Variants in KIF16B observed in about 807,000 individuals in gnomAD.
KIF16B encodes kinesin-like protein KIF16B.
Under a neutral mutation model 156.3 loss-of-function variants are expected in KIF16B, and 98 were observed. The ratio of observed to expected loss-of-function variants is 0.63; its 90% CI spans 0.53 to 0.74. The LOEUF (loss-of-function observed/expected upper bound fraction) is 0.74, where lower values mean the gene tolerates loss of function less well. Ranked by LOEUF, KIF16B falls within the 30% of genes least tolerant of loss-of-function variation. The pLI is 0.00. For missense variants in KIF16B, 1,421 were observed against 1,606.5 expected (o/e 0.88, Z 1.97); for synonymous variants, 564 against 583.7 (o/e 0.97, Z 0.49).
chr20:16,488,056 C>T (rs181658553), intron 12 of KIF16B, among the ~76,000 whole-genome samples: 232 of 152,328 alleles, frequency 1.5e-3, no homozygotes, highest in Admixed American at 3.7e-3. Context: ...CTCTCCCACC[C>T]GCTGCCACAC....
chr20:16,378,236 T>C (rs1056280752), intron 19 of KIF16B, among the ~76,000 whole-genome samples: 2 of 148,430 alleles, frequency 1.3e-5, no homozygotes, highest in African/African-American at 2.5e-5. Flanking sequence ...GAAGTAGAGA[T>C]GGAAAGAGGT....
At chr20:16,331,203 A>C (rs2063942276) in intron 24 of KIF16B, among the ~76,000 whole-genome samples, 1 of 152,224 alleles carries the variant, frequency 6.6e-6, no homozygotes, top group South Asian at 2.1e-4. Flanking sequence ...TTCCATGTAT[A>C]TATTGTTGAA....
chr20:16,476,110 C>T (rs557476287), intron 12 of KIF16B, among the ~76,000 whole-genome samples: 3 of 120,420 alleles, frequency 2.5e-5, no homozygotes, highest in Admixed American at 1.6e-4. Flanking sequence ...AAGGGCCCTG[C>T]AACAAATACA....
intron 12 of KIF16B, among the ~76,000 whole-genome samples, chr20:16,451,362 A>G (rs1468864109): frequency 2.6e-5 from 4 of 152,156 alleles, no homozygotes; most frequent in Admixed American, 1.3e-4. Context: ...AGCCACTTGG[A>G]AAGTTTACGA....
chr20:16,291,103 G>A (rs77185639), intron 25 of KIF16B, among the ~76,000 whole-genome samples: 2,248 of 152,316 alleles, frequency 0.015, 66 homozygotes, highest in African/African-American at 0.051. Context: ...ATGATGCAAT[G>A]AATAGCTATA....
At chr20:16,426,608 C>T (rs1271914293) in intron 15 of KIF16B, among the ~76,000 whole-genome samples, 1 of 152,134 alleles carries the variant, frequency 6.6e-6, no homozygotes, top group Non-Finnish European at 1.5e-5. Flanking sequence ...TCAAGGACGG[C>T]AGGGCACTAT....
intron 10 of KIF16B, among the ~76,000 whole-genome samples, chr20:16,503,210 C>CT (rs1247797416): frequency 6.6e-6 from 1 of 151,884 alleles, no homozygotes; most frequent in Non-Finnish European, 1.5e-5. Flanking sequence ...GACTCTATCT[C>CT]AAAAAGAAAA....
intron 17 of KIF16B, among the ~76,000 whole-genome samples, chr20:16,398,075 C>A (rs141661175): frequency 1.6e-3 from 238 of 152,304 alleles, no homozygotes; most frequent in African/African-American, 5.4e-3. Flanking sequence ...CAGGAATGCA[C>A]AAAATGCCTG....
intron 17 of KIF16B, among the ~76,000 whole-genome samples, chr20:16,404,422 TAAGAATCAG>T (rs2065730267): frequency 1.3e-5 from 2 of 152,174 alleles, no homozygotes; most frequent in African/African-American, 4.8e-5. Context: ...TTGGATGGCC[TAAGAATCAG>T]GCTGCCTCTG....
intron 25 of KIF16B, among the ~76,000 whole-genome samples, chr20:16,295,877 C>G (rs988618310): frequency 6.6e-6 from 1 of 152,162 alleles, no homozygotes; most frequent in Non-Finnish European, 1.5e-5. Flanking sequence ...AAAATGGTCA[C>G]GAATTTCAAA....
intron 10 of KIF16B, among the ~76,000 whole-genome samples, chr20:16,501,563 G>A (rs1029694559): frequency 6.6e-6 from 1 of 152,024 alleles, no homozygotes; most frequent in Non-Finnish European, 1.5e-5. Flanking sequence ...AGTCTACAAA[G>A]CAGTAACAGC....
At chr20:16,447,443 G>C (rs540222672) in intron 12 of KIF16B, among the ~76,000 whole-genome samples, 11 of 152,124 alleles carry the variant, frequency 7.2e-5, no homozygotes, top group African/African-American at 2.6e-4. Flanking sequence ...GAAAAGAAAA[G>C]GTGTGACAGA....
intron 24 of KIF16B, among the ~76,000 whole-genome samples, chr20:16,316,567 C>G (rs1260600688): frequency 6.6e-6 from 1 of 152,042 alleles, no homozygotes; most frequent in African/African-American, 2.4e-5. Context: ...AAAATGAGGG[C>G]CCTGATGCTG....
chr20:16,515,824 C>T (rs1265659375), intron 3 of KIF16B, among the ~76,000 whole-genome samples, 160 bp from the exon 4 acceptor site: 1 of 152,142 alleles, frequency 6.6e-6, no homozygotes, highest in East Asian at 1.9e-4. Context: ...TATGTAGACA[C>T]CACAGTTTTT....
At position 16,337,044 on chromosome 20, in the gene KIF16B, G is replaced by A. The variant is rs6043900; in HGVS notation, c.3622-1029C>T. On this transcript the variant is annotated intron_variant, in intron 23 of 25. Coordinates refer to ENST00000354981, the MANE Select transcript of KIF16B (RefSeq NM_024704.5). The stretch of plus-strand genomic sequence containing the variant: ...TGATTTGGGAGGTGACCCTCCTTAA[G>A]GCGAGCTTCATGCTGCTCATAGAAA... 3.3e-5 allele frequency among the ~76,000 whole-genome samples: 5 copies of A among 152,242 alleles called. No individual in the cohort carries two copies. In the East Asian group the frequency reaches 9.7e-4, roughly 29 times the overall value.
chr20:16,320,673 A>G (rs778782640), intron 24 of KIF16B, among the ~76,000 whole-genome samples: 7 of 152,254 alleles, frequency 4.6e-5, no homozygotes, highest in Non-Finnish European at 1.0e-4. Flanking sequence ...GAACTCAGAT[A>G]AAACACATCA....
chr20:16,415,888 G>T lies in KIF16B; in HGVS notation c.1613-9432C>A, dbSNP rs900225033. On this transcript the variant is annotated intron_variant, in intron 15 of 25. Coordinates refer to ENST00000354981, the MANE Select transcript of KIF16B (RefSeq NM_024704.5). ...GTTTCTCCTAAGGAATGTAGCTATA[G>T]CCTGAACAAAATGCATGTAGTAGTT... Among the ~76,000 whole-genome samples the T allele has an allele frequency of 2.0e-5, 3 of 152,128 alleles. No homozygotes were observed. In the East Asian group the frequency reaches 5.8e-4, roughly 29 times the overall value.
intron 23 of KIF16B, among the ~76,000 whole-genome samples, chr20:16,342,467 T>C (rs117060036): frequency 5.1e-4 from 77 of 152,284 alleles, no homozygotes; most frequent in Middle Eastern, 6.8e-3. Context: ...TTGACCTCAA[T>C]TGGTAAAACA....
intron 12 of KIF16B, among the ~76,000 whole-genome samples, chr20:16,447,424 C>T (rs572844632): frequency 6.6e-6 from 1 of 151,964 alleles, no homozygotes; most frequent in African/African-American, 2.4e-5. Flanking sequence ...TGACCTGCAA[C>T]GTCACTAGGA....
Sources: gnomAD v4.1 joint callset for allele counts (sites outside exome capture counted in the v4.1 genomes callset) on GRCh38, gnomAD v4.1.1 for gene constraint, MANE v1.5 for transcripts, NCBI Gene and HGNC (gene_info 2026-07-23, HGNC 2026-07-21) for gene names.